RFX8: variants seen among roughly 807,000 people sequenced by gnomAD.
RFX8 encodes the protein regulatory factor X8, also known as DNA-binding protein RFX8.
Under a neutral mutation model 54.6 loss-of-function variants are expected in RFX8, and 46 were observed. That is an observed-to-expected ratio of 0.84 (90% CI 0.67 to 1.08). The LOEUF is 1.08. RFX8 is among the 50% of genes least tolerant of loss of function. The pLI is 0.00. For synonymous variants in RFX8, 192 were observed against 209.5 expected (o/e 0.92, Z 0.72); for missense variants, 536 against 562.3 (o/e 0.95, Z 0.47).
chr2:101,449,713 C>A (rs1204822896), intron 2 of RFX8, among the ~76,000 whole-genome samples: 2 of 151,980 alleles, frequency 1.3e-5, no homozygotes, highest in Non-Finnish European at 1.5e-5. Context: ...AGGTCAGGAC[C>A]AGTGAGAAGG....
chr2:101,405,031 C>T (rs2104523091), intron 10 of RFX8, among the ~76,000 whole-genome samples: 1 of 152,248 alleles, frequency 6.6e-6, no homozygotes, highest in South Asian at 2.1e-4. Context: ...TTTATCTTTC[C>T]ACTGCTGTAT....
intron 9 of RFX8, among the ~76,000 whole-genome samples, chr2:101,406,595 C>T (rs1044616585): frequency 6.6e-6 from 1 of 152,088 alleles, no homozygotes; most frequent in South Asian, 2.1e-4. Flanking sequence ...CCTGTCTCGG[C>T]CTCCCAAAGG....
At chr2:101,412,771 G>T in intron 8 of RFX8, 144 bp downstream of exon 8, 1 of 855,258 alleles carries the variant, frequency 1.2e-6, no homozygotes, top group Non-Finnish European at 1.8e-6. Flanking sequence ...CCCACTACAG[G>T]AAGAGAAGTG....
intron 2 of RFX8, among the ~76,000 whole-genome samples, chr2:101,450,985 G>C (rs7594697): frequency 0.35 from 52,392 of 151,762 alleles, 9,711 homozygotes; most frequent in African/African-American, 0.44. Context: ...CCTGCCCTGT[G>C]CCCTCAACCA....
At chr2:101,458,380 C>A (rs1468342822) in intron 2 of RFX8, among the ~76,000 whole-genome samples, 1 of 152,174 alleles carries the variant, frequency 6.6e-6, no homozygotes, top group Non-Finnish European at 1.5e-5. Context: ...ATGCTTCCTT[C>A]AGGAGCTCTT....
At chr2:101,422,298 G>A in intron 3 of RFX8, 64 bp downstream of exon 3, 2 of 801,490 alleles carry the variant, frequency 2.5e-6, no homozygotes, top group South Asian at 1.5e-5. Flanking sequence ...ACAAAAGGAA[G>A]CTATTTACTG....
chr2:101,412,858 C>G, intron 8 of RFX8, 57 bp downstream of exon 8: 1 of 1,487,454 alleles, frequency 6.7e-7, no homozygotes, highest in Non-Finnish European at 9.0e-7. Context: ...GATGGCCATG[C>G]TAGCCCCAAA....
intron 2 of RFX8, among the ~76,000 whole-genome samples, chr2:101,425,001 A>G (rs898509527): frequency 6.6e-6 from 1 of 151,256 alleles, no homozygotes; most frequent in Non-Finnish European, 1.5e-5. Context: ...TGTACCCTAT[A>G]ACTTAAAGTA....
chr2:101,404,688 A>G (rs990967383), intron 10 of RFX8, among the ~76,000 whole-genome samples: 3 of 151,938 alleles, frequency 2.0e-5, no homozygotes, highest in Non-Finnish European at 4.4e-5. Flanking sequence ...CAGTCTCCCA[A>G]ACTGCTGGGA....
chr2:101,448,750 A>G (rs1427355292), intron 2 of RFX8, among the ~76,000 whole-genome samples: 1 of 152,248 alleles, frequency 6.6e-6, no homozygotes, highest in East Asian at 1.9e-4. Context: ...AAAGGTGACC[A>G]TATAATTCAT....
At position 101,443,706 on chromosome 2, in the gene RFX8, C is replaced by G. The variant is rs1688221976; in HGVS notation, c.73-21234G>C. Among the ~76,000 whole-genome samples the G allele has an allele frequency of 2.0e-5, 3 of 152,108 alleles. No homozygotes were observed. In the South Asian group the frequency reaches 6.2e-4, roughly 31 times the overall value. On this transcript the variant is annotated intron_variant, in intron 2 of 11. Coordinates refer to ENST00000428343, the MANE Select transcript of RFX8 (RefSeq NM_001145664.2). ...GTCTTCCACACACCCCTGGACTGAG[C>G]ACTGGAGAAATGTGCAACACAGTCT...
intron 2 of RFX8, among the ~76,000 whole-genome samples, chr2:101,454,468 C>G (rs1688859835): frequency 6.6e-6 from 1 of 152,196 alleles, no homozygotes; most frequent in Non-Finnish European, 1.5e-5. Flanking sequence ...TGAGGAAGCA[C>G]CACACTGTCT....
intron 1 of RFX8, among the ~76,000 whole-genome samples, chr2:101,470,950 A>G (rs922075141): frequency 4.7e-5 from 7 of 149,494 alleles, no homozygotes; most frequent in Admixed American, 6.6e-5. Context: ...TGATCTCCTG[A>G]CCTCGTGATC....
intron 2 of RFX8, among the ~76,000 whole-genome samples, chr2:101,430,220 C>T (rs1687408001): frequency 1.3e-5 from 2 of 152,160 alleles, no homozygotes; most frequent in Non-Finnish European, 1.5e-5. Context: ...ATGGATAAGC[C>T]CTGCACATGC....
chr2:101,467,961 A>G (rs148820413), intron 1 of RFX8, among the ~76,000 whole-genome samples: 1 of 152,220 alleles, frequency 6.6e-6, no homozygotes, highest in East Asian at 1.9e-4. Flanking sequence ...TCTCCTTGGC[A>G]TTTGTTTTTC....
At chr2:101,434,952 G>A (rs1687693646) in intron 2 of RFX8, 1 of 152,258 alleles carries the variant, frequency 6.6e-6, no homozygotes. Context: ...ACACACAGAA[G>A]GAAAACAGCT....
intron 1 of RFX8, among the ~76,000 whole-genome samples, chr2:101,473,016 C>T (rs1690096494): frequency 6.7e-6 from 1 of 149,830 alleles, no homozygotes. Context: ...AAGACTCTGT[C>T]ACAAAAAAAA....
chr2:101,458,013 C>T (rs1573472150), intron 2 of RFX8, among the ~76,000 whole-genome samples: 4 of 152,170 alleles, frequency 2.6e-5, no homozygotes, highest in Admixed American at 2.0e-4. Context: ...TCTGTTTTCT[C>T]AGAGACAAGG....
At chr2:101,430,799 G>T (rs1687440743) in intron 2 of RFX8, among the ~76,000 whole-genome samples, 2 of 151,990 alleles carry the variant, frequency 1.3e-5, no homozygotes, top group Admixed American at 6.6e-5. Flanking sequence ...GGACATTACA[G>T]CAACAAAAAC....
Sources: allele counts gnomAD v4.1 joint callset (sites outside exome capture counted in the v4.1 genomes callset), GRCh38; gene constraint gnomAD v4.1.1; transcripts MANE v1.5; gene names NCBI Gene and HGNC (gene_info 2026-07-23, HGNC 2026-07-21).